The following COL22A1 variants were observed in gnomAD, a reference collection of about 807,000 sequenced individuals.
COL22A1 encodes the protein collagen alpha-1(XXII) chain.
COL22A1 carries 221 observed loss-of-function variants against 248.9 expected under a neutral mutation model. The observed-to-expected ratio is 0.89, with a 90% CI of 0.80 to 0.99. COL22A1 has a LOEUF of 0.99. Among genes scored for constraint, COL22A1 ranks in the 50% least tolerant of loss-of-function variants. COL22A1 has a pLI of 0.00. For synonymous variants in COL22A1, 891 were observed against 793.4 expected (o/e 1.12, Z -2.07); for missense variants, 2,240 against 2,179.0 (o/e 1.03, Z -0.56).
intron 46 of COL22A1, among the ~76,000 whole-genome samples, chr8:138,649,398 A>G (rs1822491719): frequency 6.6e-6 from 1 of 152,166 alleles, no homozygotes; most frequent in African/African-American, 2.4e-5. Context: ...GGTGGAAAGG[A>G]ATGTAACTGA....
At chr8:138,900,770 C>A (rs1320920730) in intron 1 of COL22A1, among the ~76,000 whole-genome samples, 2 of 152,190 alleles carry the variant, frequency 1.3e-5, no homozygotes, top group Non-Finnish European at 2.9e-5. Context: ...GTGTGCCAGG[C>A]GTTGTCTTAA....
At position 138,796,389 on chromosome 8, in the gene COL22A1, C is replaced by CT. The variant is rs11284610; in HGVS notation, c.1596+429dup. Among the ~76,000 whole-genome samples, 138 of 26,306 alleles carry CT rather than the reference C, an allele frequency of 5.2e-3. 4 individuals carry two copies. Among genetic ancestry groups the CT allele is most frequent in the East Asian group, 6.9e-3 (7 of 1,020 alleles). 17.3% of individuals were successfully genotyped at this position (26,306 alleles called of 152,430 possible). A position where few individuals can be genotyped will look rare whatever the true frequency, so the allele number is the denominator to read the frequency against. On this transcript the variant is annotated intron_variant, in intron 12 of 64. Transcript: ENST00000303045. Reference sequence around the variant, plus strand: ...TTTTTTTCTCTTGCTTGCTACTTTCCTTTTTTTTTTTTTTTTTTTTTTTTT... The same window carrying CT: ...TTTTTTTCTCTTGCTTGCTACTTTCCTTTTTTTTTTTTTTTTTTTTTTTTTT...
Position 138,765,339 on chromosome 8 carries a change from C to G in COL22A1, c.1804-2873G>C, listed in dbSNP as rs185858880. On this transcript the variant is annotated intron_variant, in intron 16 of 64. Coordinates refer to ENST00000303045, the MANE Select transcript of COL22A1 (RefSeq NM_152888.3). ...GCCCATGGACTCTCACCCTCTACCT[C>G]TAGATGAGGAAACTGGGAGCCCTAG... 1.2e-3 allele frequency among the ~76,000 whole-genome samples: 179 copies of G among 152,296 alleles called. 1 individual carries two copies. Among genetic ancestry groups the G allele is most frequent in the South Asian group, 2.3e-3 (11 of 4,828 alleles).
At chr8:138,710,880 A>C (rs1386369732) in intron 30 of COL22A1, among the ~76,000 whole-genome samples, 2 of 152,136 alleles carry the variant, frequency 1.3e-5, no homozygotes, top group African/African-American at 4.8e-5. Flanking sequence ...CATCTAAACC[A>C]ATTTACTCTC....
At chr8:138,653,936 G>A (rs184695872) in intron 45 of COL22A1, among the ~76,000 whole-genome samples, 12 of 152,314 alleles carry the variant, frequency 7.9e-5, no homozygotes, top group African/African-American at 2.4e-4. Context: ...AGCTCTGTGG[G>A]ACCAGTGAGT....
At chr8:138,796,299 A>G (rs16909645) in intron 12 of COL22A1, among the ~76,000 whole-genome samples, 2,192 of 151,618 alleles carry the variant, frequency 0.014, 26 homozygotes, top group Middle Eastern at 0.028. Context: ...TTTTCCCACA[A>G]ATTCTTCTGA....
chr8:138,674,159 A>G (rs912438408), intron 41 of COL22A1, among the ~76,000 whole-genome samples: 10 of 152,170 alleles, frequency 6.6e-5, no homozygotes, highest in Admixed American at 3.9e-4. Flanking sequence ...TAGGGGCTAC[A>G]TGGGATCCCA....
At chr8:138,662,430 A>T (rs796365154) in intron 42 of COL22A1, among the ~76,000 whole-genome samples, 5 of 152,296 alleles carry the variant, frequency 3.3e-5, no homozygotes, top group African/African-American at 1.2e-4. Flanking sequence ...CCTATGGATA[A>T]CCAGCCCCGA....
chr8:138,605,959 TAGG>T (rs1296825287), intron 58 of COL22A1, among the ~76,000 whole-genome samples: 2 of 152,144 alleles, frequency 1.3e-5, no homozygotes, highest in Non-Finnish European at 2.9e-5. Flanking sequence ...CTTCAAGTTC[TAGG>T]ATCATGATCA....
intron 21 of COL22A1, 50 bp from the exon 22 acceptor site, chr8:138,751,561 C>T (rs766385216): frequency 3.7e-6 from 5 of 1,354,168 alleles, no homozygotes; most frequent in Non-Finnish European, 5.2e-6. Context: ...ATGGTAAATG[C>T]AGGGCTCAAT....
At chr8:138,659,421 A>G (rs1414444232) in intron 44 of COL22A1, among the ~76,000 whole-genome samples, 1 of 152,202 alleles carries the variant, frequency 6.6e-6, no homozygotes, top group Non-Finnish European at 1.5e-5. Context: ...GCAGCCTCTC[A>G]GATCCATCTC....
intron 7 of COL22A1, 82 bp from the exon 8 acceptor site, chr8:138,813,101 C>T (rs1422333534): frequency 1.9e-6 from 2 of 1,029,474 alleles, no homozygotes; most frequent in Non-Finnish European, 3.1e-6. Context: ...CAGGCCCCGT[C>T]CTGGTATCTG....
At chr8:138,817,940 G>A (rs1294273820) in intron 7 of COL22A1, among the ~76,000 whole-genome samples, 2 of 152,144 alleles carry the variant, frequency 1.3e-5, no homozygotes, top group Non-Finnish European at 2.9e-5. Flanking sequence ...TAACTCAAAG[G>A]CTAAGACAGG....
At chr8:138,637,626 T>A (rs1805376489) in intron 47 of COL22A1, among the ~76,000 whole-genome samples, 1 of 152,222 alleles carries the variant, frequency 6.6e-6, no homozygotes, top group Admixed American at 6.5e-5. Flanking sequence ...TAACTGTGTG[T>A]CATTGGACAA....
intron 22 of COL22A1, among the ~76,000 whole-genome samples, chr8:138,743,477 ATGGTGATGGTGGTGATCG>A (rs1419232826): frequency 7.0e-6 from 1 of 143,436 alleles, no homozygotes; most frequent in Non-Finnish European, 1.5e-5. Flanking sequence ...AATGATGGTG[ATGGTGATGGTGGTGATCG>A]TGGTGATGGT....
chr8:138,764,435 C>T (rs1477392608), intron 16 of COL22A1, among the ~76,000 whole-genome samples: 1 of 152,204 alleles, frequency 6.6e-6, no homozygotes, highest in African/African-American at 2.4e-5. Context: ...TCTCCAAGTG[C>T]AGGAAACCAG....
chr8:138,846,941 A>G (rs1034584709), intron 3 of COL22A1, among the ~76,000 whole-genome samples: 2 of 152,220 alleles, frequency 1.3e-5, no homozygotes, highest in African/African-American at 2.4e-5. Context: ...AGAAAGGATC[A>G]GTGCTACTGG....
At chr8:138,885,016 G>GCA (rs10587026) in intron 1 of COL22A1, among the ~76,000 whole-genome samples, 2,091 of 150,984 alleles carry the variant, frequency 0.014, 29 homozygotes, top group African/African-American at 0.041. Context: ...GTGTGTGCAC[G>GCA]CACACACACA....
intron 47 of COL22A1, among the ~76,000 whole-genome samples, chr8:138,640,021 A>G (rs1191204490): frequency 6.6e-6 from 1 of 152,206 alleles, no homozygotes; most frequent in Non-Finnish European, 1.5e-5. Context: ...AGGACTAGTT[A>G]TTGCTTATCT....
Sources: gnomAD v4.1 joint callset for allele counts (sites outside exome capture counted in the v4.1 genomes callset) on GRCh38, gnomAD v4.1.1 for gene constraint, MANE v1.5 for transcripts, NCBI Gene and HGNC (gene_info 2026-07-23, HGNC 2026-07-21) for gene names.